ANO1: variants seen among roughly 807,000 people sequenced by gnomAD.
The protein encoded by ANO1 is anoctamin-1.
A neutral mutation model predicts 124.0 loss-of-function variants in ANO1; 59 were observed. That is an observed-to-expected ratio of 0.48 (90% CI 0.39 to 0.59). ANO1 has a LOEUF of 0.59. Among genes scored for constraint, ANO1 ranks in the 20% least tolerant of loss-of-function variants. ANO1 has a pLI of 0.00. For missense variants in ANO1, 1,059 were observed against 1,328.0 expected, an observed-to-expected ratio of 0.80 and a Z score of 3.15; for synonymous variants, 529 against 532.0, an observed-to-expected ratio of 0.99 and a Z score of 0.08.
intron 11 of ANO1, among the ~76,000 whole-genome samples, chr11:70,139,318 G>A (rs540062290): frequency 3.8e-4 from 58 of 150,896 alleles, no homozygotes; most frequent in African/African-American, 1.3e-3. Context: ...CACCATGCCC[G>A]GCTAATTTTT....
intron 7 of ANO1, among the ~76,000 whole-genome samples, chr11:70,115,427 A>G (rs1200953292): frequency 2.0e-5 from 3 of 152,178 alleles, no homozygotes; most frequent in Non-Finnish European, 4.4e-5. Flanking sequence ...AGCCTGACCA[A>G]CGTGGTGAAA....
intron 11 of ANO1, among the ~76,000 whole-genome samples, chr11:70,136,130 C>T (rs974429564): frequency 2.0e-5 from 3 of 152,336 alleles, no homozygotes; most frequent in Admixed American, 2.0e-4. Context: ...AGGGTCTGGT[C>T]CCTCATGCGT....
chr11:70,067,327 T>G (rs1345040013), intron 1 of ANO1, among the ~76,000 whole-genome samples: 1,790 of 145,846 alleles, frequency 0.012, 64 homozygotes, highest in African/African-American at 0.041. Context: ...GTGGGTGTTT[T>G]TTTTTTTTTT....
intron 25 of ANO1, among the ~76,000 whole-genome samples, chr11:70,186,345 GGGGA>G (rs1202570780): frequency 3.5e-5 from 3 of 84,826 alleles, no homozygotes; most frequent in Admixed American, 1.4e-4. Context: ...GGACGAGGAG[GGGGA>G]GGGAGGAAGG....
intron 1 of ANO1, among the ~76,000 whole-genome samples, chr11:69,999,816 T>G (rs1189400525): frequency 6.6e-6 from 1 of 152,180 alleles, no homozygotes; most frequent in Non-Finnish European, 1.5e-5. Flanking sequence ...TCAAACAGGC[T>G]GGGGTTCCTA....
At chr11:70,124,025 C>T (rs949162402) in intron 8 of ANO1, among the ~76,000 whole-genome samples, 1 of 152,170 alleles carries the variant, frequency 6.6e-6, no homozygotes, top group African/African-American at 2.4e-5. Context: ...TATTTCTCTG[C>T]TCAAAACCCT....
intron 2 of ANO1, among the ~76,000 whole-genome samples, chr11:70,100,865 G>A (rs10898284): frequency 0.23 from 34,589 of 152,100 alleles, 4,934 homozygotes; most frequent in Non-Finnish European, 0.31. Flanking sequence ...CCCTTCGTTC[G>A]TTCATTCCAT....
intron 23 of ANO1, among the ~76,000 whole-genome samples, chr11:70,182,024 A>C (rs1013745223): frequency 4.2e-4 from 64 of 151,924 alleles, no homozygotes; most frequent in Admixed American, 1.4e-3. Context: ...TAAGGGCACC[A>C]GCCAGAGCCG....
intron 1 of ANO1, among the ~76,000 whole-genome samples, chr11:69,989,191 A>C (rs904670091): frequency 2.0e-5 from 3 of 152,126 alleles, no homozygotes; most frequent in Non-Finnish European, 4.4e-5. Flanking sequence ...GAGATTATTT[A>C]AGGTCCTGTA....
At chr11:70,049,967 C>T (rs782659632) in intron 1 of ANO1, among the ~76,000 whole-genome samples, 8 of 152,198 alleles carry the variant, frequency 5.3e-5, no homozygotes, top group Non-Finnish European at 7.3e-5. Flanking sequence ...GTGATCCACC[C>T]GCCTTGGCCT....
At chr11:70,052,531 CTTTTTTTTTTTTTTTTTTTTTTT>C (rs200770702) in intron 1 of ANO1, among the ~76,000 whole-genome samples, 35 of 65,914 alleles carry the variant, frequency 5.3e-4, no homozygotes, top group South Asian at 1.9e-3. Flanking sequence ...TTTTTCTTTT[CTTTTTTTTTTTTTTTTTTTTTTT>C]TTTTTTTTTT....
intron 1 of ANO1, among the ~76,000 whole-genome samples, chr11:70,032,045 C>A (rs1255793715): frequency 6.6e-6 from 1 of 152,222 alleles, no homozygotes; most frequent in South Asian, 2.1e-4. Flanking sequence ...GTGCCAGACA[C>A]TCAGGGAGAG....
Position 69,986,440 on chromosome 11 carries a change from G to T in ANO1, c.58+274G>T, listed in dbSNP as rs1856043451. ...CCCCGGGGCTGGGCTGGGGCTGGGGGCGCCGCCGGGCAGGGGCCCCTGCGC... is the reference window on the plus strand; with the variant it reads ...CCCCGGGGCTGGGCTGGGGCTGGGGTCGCCGCCGGGCAGGGGCCCCTGCGC... On this transcript the variant is annotated intron_variant, in intron 1 of 27. Transcript: ENST00000531349. Among the ~76,000 whole-genome samples, 7 of 152,240 alleles carry T rather than the reference G, an allele frequency of 4.6e-5. 1 individual carries two copies. The South Asian group carries it at 1.5e-3, about 32-fold the overall frequency.
At position 70,049,186 on chromosome 11, in the gene ANO1, GAGC is replaced by G. The variant is rs1555006019; in HGVS notation, c.59-29355_59-29353del. On this transcript the variant is annotated intron_variant, in intron 1 of 27. Transcript: ENST00000531349. ...TAAACCATGACCCGACATGAAGTGGGAGCTGGAAGCTCAGCTCCCACCACCAGC... is the reference window on the plus strand; with the variant it reads ...TAAACCATGACCCGACATGAAGTGGGTGGAAGCTCAGCTCCCACCACCAGC... 2.3e-4 allele frequency among the ~76,000 whole-genome samples: 35 copies of G among 152,284 alleles called. No individual in the cohort carries two copies. The South Asian group carries it at 7.3e-3, about 32-fold the overall frequency.
intron 5 of ANO1, among the ~76,000 whole-genome samples, chr11:70,105,989 A>C (rs751941832): frequency 1.3e-5 from 2 of 152,124 alleles, no homozygotes; most frequent in African/African-American, 4.8e-5. Context: ...GCTGAGAGGA[A>C]GGGAATCAGC....
chr11:70,169,213 C>T (rs1388429842), intron 21 of ANO1, among the ~76,000 whole-genome samples: 1 of 152,144 alleles, frequency 6.6e-6, no homozygotes, highest in South Asian at 2.1e-4. Context: ...CATCACGTCC[C>T]GAGTTCCTGA....
chr11:70,043,224 A>G (rs1339493307), intron 1 of ANO1, among the ~76,000 whole-genome samples: 1 of 152,210 alleles, frequency 6.6e-6, no homozygotes, highest in Non-Finnish European at 1.5e-5. Context: ...AACAACAGAT[A>G]GGGTACGGCA....
chr11:70,005,757 C>T (rs1554999944), intron 1 of ANO1, among the ~76,000 whole-genome samples: 3 of 152,124 alleles, frequency 2.0e-5, no homozygotes, highest in Non-Finnish European at 4.4e-5. Context: ...AGGGACAGTC[C>T]AGCCTTTAAA....
chr11:70,121,625 CCTCT>C (rs778456396), intron 8 of ANO1, among the ~76,000 whole-genome samples: 1 of 101,362 alleles, frequency 9.9e-6, no homozygotes, highest in Non-Finnish European at 2.3e-5. Context: ...GTCTCCCCCA[CCTCT>C]CTGTCTGTCT....
Sources: gnomAD v4.1 joint callset for allele counts (sites outside exome capture counted in the v4.1 genomes callset) on GRCh38, gnomAD v4.1.1 for gene constraint, MANE v1.5 for transcripts, NCBI Gene and HGNC (gene_info 2026-07-23, HGNC 2026-07-21) for gene names.